Variants in CENPU observed in about 807,000 individuals in gnomAD.
CENPU encodes the protein centromere protein U, also known as KSHV latent nuclear antigen interacting protein 1.
CENPU carries 46 observed loss-of-function variants against 56.7 expected under a neutral mutation model. The observed-to-expected ratio is 0.81, with a 90% CI of 0.64 to 1.04. The LOEUF is 1.04. Among genes scored for constraint, CENPU ranks in the 50% least tolerant of loss-of-function variants. The probability of loss-of-function intolerance (pLI) is 0.00; values close to 1 mark genes in which losing one functional copy is unlikely to be tolerated. For missense variants in CENPU, 510 were observed against 490.1 expected (o/e 1.04, Z -0.38); for synonymous variants, 166 against 163.0 (o/e 1.02, Z -0.14).
intron 11 of CENPU, 102 bp from the exon 12 acceptor site, chr4:184,697,905 A>G: frequency 1.3e-6 from 1 of 780,726 alleles, no homozygotes; most frequent in Non-Finnish European, 2.0e-6. Flanking sequence ...GGGGCTGGCC[A>G]ACTAGATGAC....
chr4:184,727,084 T>A (rs915477757), intron 3 of CENPU, among the ~76,000 whole-genome samples: 16 of 141,404 alleles, frequency 1.1e-4, no homozygotes, highest in African/African-American at 4.4e-4. Context: ...CCACTGCACT[T>A]CAGCCTAGGT....
intron 3 of CENPU, among the ~76,000 whole-genome samples, chr4:184,728,583 T>A (rs1696180661): frequency 6.6e-6 from 1 of 152,158 alleles, no homozygotes; most frequent in African/African-American, 2.4e-5. Flanking sequence ...CCCATACTCT[T>A]CTCCTCCCTA....
chr4:184,729,050 A>T lies in CENPU; in HGVS notation c.97-15T>A, dbSNP rs768486696. The T allele has an allele frequency of 6.3e-7, 1 of 1,590,168 alleles. No homozygotes were observed. The highest frequency in any genetic ancestry group is 1.7e-5 in the Admixed American group (1 of 59,228). ...TGACCAGCTTTCTAAAAGTGAATAA[A>T]GTTGAGTCATTGAGTTGGCTCTCAC... is the stretch of plus-strand genomic sequence containing the variant. On this transcript the variant is annotated splice_polypyrimidine_tract_variant and intron_variant, in intron 2 of 12. Coordinates refer to ENST00000281453, the MANE Select transcript of CENPU (RefSeq NM_024629.4).
chr4:184,734,075 C>G lies in CENPU; in HGVS notation c.-13G>C, dbSNP rs763778417. On this transcript the variant is annotated 5_prime_UTR_variant, in exon 1 of 13. Transcript: ENST00000281453. The stretch of plus-strand genomic sequence containing the variant: ...CCCGCGGGGCCATGGTGCCGCTCTC[C>G]GCTCTCGAGCGACTGGAAGCTCCCG... 6.5e-7 allele frequency: 1 copy of G among 1,546,988 alleles called. No homozygotes were observed.
At chr4:184,705,471 G>A (rs187665593) in intron 8 of CENPU, among the ~76,000 whole-genome samples, 47 of 152,164 alleles carry the variant, frequency 3.1e-4, no homozygotes, top group South Asian at 1.0e-3. Flanking sequence ...AGAACACAAG[G>A]ATCCTGGAGG....
rs931470209 is a variant in CENPU at position 184,694,318 on chromosome 4, G to A, written c.*970C>T. Reference sequence around the variant, plus strand: ...GGTAATTTCAAATTTGGAGTTTCAAGTGTGTCTGAGCTTCAGTGCAGCAAC... The same window carrying A: ...GGTAATTTCAAATTTGGAGTTTCAAATGTGTCTGAGCTTCAGTGCAGCAAC... On this transcript the variant is annotated 3_prime_UTR_variant, in exon 13 of 13. Coordinates refer to ENST00000281453, the MANE Select transcript of CENPU (RefSeq NM_024629.4). 5 of 1,333,996 alleles carry A rather than the reference G, an allele frequency of 3.7e-6. No homozygotes were observed. In the African/African-American group the frequency reaches 7.3e-5, roughly 20 times the overall value. 82.6% of individuals were successfully genotyped at this position (1,333,996 alleles called of 1,614,324 possible).
intron 6 of CENPU, chr4:184,714,005 T>C (rs7656993): frequency 0.18 from 26,977 of 151,892 alleles, 2,658 homozygotes; most frequent in African/African-American, 0.26. Context: ...ACAACATAAC[T>C]GATAACAAAG....
chr4:184,719,480 G>A (rs1046193496), intron 4 of CENPU, among the ~76,000 whole-genome samples: 4 of 152,202 alleles, frequency 2.6e-5, no homozygotes, highest in Non-Finnish European at 5.9e-5. Context: ...GAGGGGAATC[G>A]CCCATCTTAG....
intron 7 of CENPU, among the ~76,000 whole-genome samples, chr4:184,712,118 T>TAAAAAAA (rs1760944944): frequency 1.6e-5 from 1 of 64,486 alleles, no homozygotes; most frequent in Non-Finnish European, 3.0e-5. Context: ...AGACTCAGTC[T>TAAAAAAA]CAAAAAAAAA....
Position 184,717,157 on chromosome 4 carries a change from A to G in CENPU, c.360T>C (p.Ser120=). The G allele has an allele frequency of 6.2e-7, 1 of 1,612,286 alleles. No homozygotes were observed. Among genetic ancestry groups the G allele is most frequent in the Non-Finnish European group, 8.5e-7 (1 of 1,179,530 alleles). ...ATACCTTTTTTGCACTAATTTTTAC[A>G]GATTCGATTTCACTTGCTTCATTTC... ...TSGNEASEIE[S]VKISAKKPGR... Residue 120 remains serine, a synonymous_variant, in exon 5 of 13, where the codon TCT becomes TCC. Coordinates refer to ENST00000281453, the MANE Select transcript of CENPU (RefSeq NM_024629.4).
At chr4:184,710,354 C>A (rs1428466414) in intron 7 of CENPU, 174 bp from the exon 8 acceptor site, 2 of 424,876 alleles carry the variant, frequency 4.7e-6, no homozygotes, top group South Asian at 6.6e-5. Flanking sequence ...GTCTCGCAAA[C>A]CCCTACATAC....
At chr4:184,703,214 A>G (rs1307501859) in intron 8 of CENPU, among the ~76,000 whole-genome samples, 4 of 152,252 alleles carry the variant, frequency 2.6e-5, no homozygotes, top group Non-Finnish European at 5.9e-5. Flanking sequence ...AGAAATGCTT[A>G]TGGATACTCC....
At chr4:184,701,157 G>GT (rs1760521204) in intron 10 of CENPU, among the ~76,000 whole-genome samples, 1 of 152,138 alleles carries the variant, frequency 6.6e-6, no homozygotes, top group Non-Finnish European at 1.5e-5. Context: ...GGTCTTTACT[G>GT]GACCCTGTGA....
chr4:184,727,116 CAA>C (rs59124760), intron 3 of CENPU, among the ~76,000 whole-genome samples: 34 of 86,670 alleles, frequency 3.9e-4, no homozygotes, highest in Admixed American at 6.5e-4. Context: ...ACTTCGTCTC[CAA>C]AAAAAAAAAA....
chr4:184,715,931 T>A (rs1761077492), intron 6 of CENPU, among the ~76,000 whole-genome samples: 1 of 132,166 alleles, frequency 7.6e-6, no homozygotes, highest in Non-Finnish European at 1.6e-5. Flanking sequence ...TTCTAGCTTT[T>A]TTTTTGTTTT....
chr4:184,727,869 C>T (rs1761512551), intron 3 of CENPU, among the ~76,000 whole-genome samples: 1 of 152,118 alleles, frequency 6.6e-6, no homozygotes, highest in South Asian at 2.1e-4. Context: ...ACCCTGAAAA[C>T]TAAGTAAAAG....
Position 184,694,399 on chromosome 4 carries a change from G to A in CENPU, c.*889C>T. 1.4e-6 allele frequency: 2 copies of A among 1,428,690 alleles called. No homozygotes were observed. Among genetic ancestry groups the A allele is most frequent in the East Asian group, 2.6e-5 (1 of 38,898 alleles). The allele number at this position is 1,428,690 out of a possible 1,614,324, so 88.5% of individuals were successfully genotyped here. Reference sequence around the variant, plus strand: ...AGATATCGGAGACAGCATTCCTCCTGCATATTCACTTTAGTATCTGTCACT... The same window carrying A: ...AGATATCGGAGACAGCATTCCTCCTACATATTCACTTTAGTATCTGTCACT... On this transcript the variant is annotated 3_prime_UTR_variant, in exon 13 of 13. Coordinates refer to ENST00000281453, the MANE Select transcript of CENPU (RefSeq NM_024629.4).
intron 1 of CENPU, 28 bp downstream of exon 1, chr4:184,733,988 C>G (rs1761749737): frequency 6.2e-7 from 1 of 1,610,812 alleles, no homozygotes; most frequent in East Asian, 2.2e-5. Context: ...TCTCCGGCCC[C>G]GCGCTCCCGA....
chr4:184,726,187 C>A (rs1466179280), intron 3 of CENPU, among the ~76,000 whole-genome samples: 1 of 152,070 alleles, frequency 6.6e-6, no homozygotes, highest in Non-Finnish European at 1.5e-5. Flanking sequence ...CTGTGAATAA[C>A]AAGGGGGGAA....
Sources: allele counts gnomAD v4.1 joint callset (sites outside exome capture counted in the v4.1 genomes callset), GRCh38; gene constraint gnomAD v4.1.1; transcripts MANE v1.5; gene names NCBI Gene and HGNC (gene_info 2026-07-23, HGNC 2026-07-21).